TP63: variants seen among roughly 807,000 people sequenced by gnomAD.
The protein encoded by TP63 is tumor protein p63.
TP63 carries 17 observed loss-of-function variants against 82.8 expected under a neutral mutation model. The ratio of observed to expected loss-of-function variants is 0.21; its 90% CI spans 0.14 to 0.31. TP63 has a LOEUF of 0.31. TP63 is among the 10% of genes least tolerant of loss of function. TP63 has a pLI of 1.00. For synonymous variants in TP63, 330 were observed against 321.7 expected, an observed-to-expected ratio of 1.03 and a Z score of -0.28; for missense variants, 648 against 895.3, an observed-to-expected ratio of 0.72 and a Z score of 3.52.
At chr3:189,860,066 T>G (rs2108785780) in intron 4 of TP63, among the ~76,000 whole-genome samples, 1 of 152,286 alleles carries the variant, frequency 6.6e-6, no homozygotes, top group South Asian at 2.1e-4. Context: ...ACGGTGTACA[T>G]TTGTCAAGCC....
rs1238670753 is a variant in TP63 at position 189,815,242 on chromosome 3, A to G, written c.579+6716A>G. On this transcript the variant is annotated intron_variant, in intron 4 of 13. Coordinates refer to ENST00000264731, the MANE Select transcript of TP63 (RefSeq NM_003722.5). The stretch of plus-strand genomic sequence containing the variant: ...TAAATTAATATGGAGAACATGATAT[A>G]TATCAATCACCGTGGAAATTTTTAT... 1.2e-4 allele frequency among the ~76,000 whole-genome samples: 18 copies of G among 152,096 alleles called. 1 individual carries two copies. Among genetic ancestry groups the G allele is most frequent in the Non-Finnish European group, 8.8e-5 (6 of 68,024 alleles).
chr3:189,883,119 T>C (rs1367386576), intron 10 of TP63, among the ~76,000 whole-genome samples: 2 of 152,170 alleles, frequency 1.3e-5, no homozygotes, highest in African/African-American at 4.8e-5. Context: ...ACATTTTCCT[T>C]CTCTTTAGTT....
chr3:189,832,248 G>T (rs138928524), intron 4 of TP63, among the ~76,000 whole-genome samples: 1 of 152,092 alleles, frequency 6.6e-6, no homozygotes, highest in Admixed American at 6.6e-5. Context: ...AGTTACCTGA[G>T]ACTTCTCTGC....
intron 3 of TP63, among the ~76,000 whole-genome samples, chr3:189,794,623 A>C (rs1209367863): frequency 1.3e-5 from 2 of 152,064 alleles, no homozygotes; most frequent in Non-Finnish European, 2.9e-5. Flanking sequence ...CAGGAAATAA[A>C]GTTGGAAATG....
intron 3 of TP63, among the ~76,000 whole-genome samples, chr3:189,740,962 A>AAC (rs1720938020): frequency 6.6e-6 from 1 of 152,042 alleles, no homozygotes; most frequent in African/African-American, 2.4e-5. Flanking sequence ...ATAGTTGTTT[A>AAC]TTTTTCTCTA....
chr3:189,873,861 T>C lies in TP63; in HGVS notation c.1349+866T>C, dbSNP rs145108768. 1.3e-3 allele frequency among the ~76,000 whole-genome samples: 198 copies of C among 152,290 alleles called. 2 individuals carry two copies. In the South Asian group the frequency reaches 0.022, roughly 17 times the overall value. ...CCTGGAAGTATTGTCAGAGACTCTG[T>C]AGATAAGTGTAAAATATATACATTA... On this transcript the variant is annotated intron_variant, in intron 10 of 13. Transcript: ENST00000264731.
At chr3:189,789,727 C>G in intron 3 of TP63, 1 of 1,217,028 alleles carries the variant, frequency 8.2e-7, no homozygotes, top group South Asian at 1.6e-5. Context: ...TTGTAAGGGT[C>G]TCGGGGTGGG....
intron 1 of TP63, among the ~76,000 whole-genome samples, chr3:189,631,794 C>T (rs1044379351): frequency 3.3e-5 from 5 of 151,900 alleles, no homozygotes; most frequent in South Asian, 2.1e-4. Context: ...AAATTTGAAG[C>T]GAATCTTCCC....
At chr3:189,713,189 A>G (rs1330592251) in intron 1 of TP63, among the ~76,000 whole-genome samples, 1 of 152,168 alleles carries the variant, frequency 6.6e-6, no homozygotes, top group Admixed American at 6.5e-5. Context: ...TTTGGGCTTT[A>G]TAGCATTCTG....
chr3:189,892,825 T>G (rs1270964955), intron 13 of TP63, among the ~76,000 whole-genome samples: 5 of 152,198 alleles, frequency 3.3e-5, no homozygotes, highest in Non-Finnish European at 5.9e-5. Flanking sequence ...CTTATTTTTT[T>G]GTGGATTACC....
At chr3:189,798,009 A>C (rs1398780300) in intron 3 of TP63, among the ~76,000 whole-genome samples, 2 of 151,956 alleles carry the variant, frequency 1.3e-5, no homozygotes, top group Non-Finnish European at 2.9e-5. Flanking sequence ...CTCTGTGTAC[A>C]CCAGATCCTT....
chr3:189,855,482 G>A (rs1007759249), intron 4 of TP63, among the ~76,000 whole-genome samples: 8 of 151,932 alleles, frequency 5.3e-5, no homozygotes, highest in Non-Finnish European at 8.8e-5. Flanking sequence ...TGTGCTATAT[G>A]GTGTTATTTT....
the TP63 span, among the ~76,000 whole-genome samples, chr3:189,616,656 C>A: frequency 8.5e-4 from 129 of 152,272 alleles, 1 homozygote; most frequent in African/African-American, 3.0e-3. Flanking sequence ...ACATCATTTT[C>A]GTCTTTTGGT....
chr3:189,732,019 G>A lies in TP63; in HGVS notation c.63-5721G>A, dbSNP rs116292346. ...AAGGCCATGAAAATCCCCTAACATA[G>A]ACCGTTAATTTTTCTTTCCTTTTTA... On this transcript the variant is annotated intron_variant, in intron 1 of 13. Transcript: ENST00000264731. 7.4e-3 allele frequency among the ~76,000 whole-genome samples: 1,133 copies of A among 152,258 alleles called. 11 individuals are homozygous for A. Among genetic ancestry groups the A allele is most frequent in the African/African-American group, 0.024 (1,000 of 41,548 alleles).
rs537421820 is a variant in TP63 at position 189,639,834 on chromosome 3, A to G, written c.62+8257A>G. Among the ~76,000 whole-genome samples the G allele has an allele frequency of 2.0e-5, 3 of 152,292 alleles. No individual in the cohort carries two copies. The South Asian group carries it at 6.2e-4, about 32-fold the overall frequency. On this transcript the variant is annotated intron_variant, in intron 1 of 13. Transcript: ENST00000264731. Reference sequence around the variant, plus strand: ...ATCATGGGAATAAATAATAGAACATATACAGGTTTATAATAGTGGACTATG... The same window carrying G: ...ATCATGGGAATAAATAATAGAACATGTACAGGTTTATAATAGTGGACTATG...
At chr3:189,738,367 A>G (rs1720748870) in intron 2 of TP63, among the ~76,000 whole-genome samples, 1 of 152,232 alleles carries the variant, frequency 6.6e-6, no homozygotes, top group Non-Finnish European at 1.5e-5. Flanking sequence ...ACTCTATCAC[A>G]GATACATCCG....
chr3:189,792,996 C>G (rs1725316855), intron 3 of TP63, among the ~76,000 whole-genome samples: 1 of 151,956 alleles, frequency 6.6e-6, no homozygotes, highest in Non-Finnish European at 1.5e-5. Context: ...TAAGCTGTCC[C>G]ATGTTGTACT....
At chr3:189,623,087 A>G in the TP63 span, among the ~76,000 whole-genome samples, 1 of 152,160 alleles carries the variant, frequency 6.6e-6, no homozygotes, top group Non-Finnish European at 1.5e-5. Flanking sequence ...TAAACACTAT[A>G]TTTCAAGAAG....
rs768884299 is a variant in TP63 at position 189,808,388 on chromosome 3, G to A, written c.441G>A (p.Ser147=). ...DHAQNSVTAP[S]PYAQPSSTFD... is the part of the protein sequence containing the mutation. ...CGCAGAACAGCGTCACGGCGCCCTC[G>A]CCCTACGCACAGCCCAGCTCCACCT... Residue 147 remains serine (S), a synonymous_variant, in exon 4 of 14, where the codon TCG becomes TCA. Transcript: ENST00000264731. 6 of 1,614,116 alleles carry A rather than the reference G, an allele frequency of 3.7e-6. No homozygotes were observed. The highest frequency in any genetic ancestry group is 1.6e-4 in the Middle Eastern group (1 of 6,062).
Sources: gnomAD v4.1 joint callset for allele counts (sites outside exome capture counted in the v4.1 genomes callset) on GRCh38, gnomAD v4.1.1 for gene constraint, MANE v1.5 for transcripts, NCBI Gene and HGNC (gene_info 2026-07-23, HGNC 2026-07-21) for gene names.